The following SLC12A2 variants were observed in gnomAD, a reference collection of about 807,000 sequenced individuals.
SLC12A2 encodes the protein solute carrier family 12 member 2.
SLC12A2 carries 67 observed loss-of-function variants against 136.3 expected under a neutral mutation model. The observed-to-expected ratio is 0.49, with a 90% CI of 0.40 to 0.60. The LOEUF (loss-of-function observed/expected upper bound fraction) is 0.60, where lower values mean the gene tolerates loss of function less well. Among genes scored for constraint, SLC12A2 ranks in the 20% least tolerant of loss-of-function variants. The probability of loss-of-function intolerance (pLI) is 0.00; values close to 1 mark genes in which losing one functional copy is unlikely to be tolerated. For synonymous variants in SLC12A2, 619 were observed against 562.9 expected, an observed-to-expected ratio of 1.10 and a Z score of -1.41; for missense variants, 1,322 against 1,534.7, an observed-to-expected ratio of 0.86 and a Z score of 2.32.
intron 26 of SLC12A2, among the ~76,000 whole-genome samples, 176 bp from the exon 27 acceptor site, chr5:128,186,320 A>G (rs779478096): frequency 2.0e-5 from 3 of 152,212 alleles, no homozygotes; most frequent in East Asian, 1.9e-4. Context: ...TCGCTAAGCA[A>G]CACAACTGTG....
intron 1 of SLC12A2, among the ~76,000 whole-genome samples, chr5:128,097,185 TTTA>T (rs773704948): frequency 6.8e-5 from 9 of 131,978 alleles, no homozygotes; most frequent in Non-Finnish European, 1.1e-4. Flanking sequence ...ATTTCAAATG[TTTA>T]TTGTTTCATG....
intron 4 of SLC12A2, among the ~76,000 whole-genome samples, chr5:128,125,779 C>T (rs2409109): frequency 0.35 from 52,519 of 151,864 alleles, 11,678 homozygotes; most frequent in African/African-American, 0.63. Flanking sequence ...TTTATAGTTT[C>T]AGTTTTTAGA....
intron 1 of SLC12A2, among the ~76,000 whole-genome samples, chr5:128,111,824 G>GTT (rs1167537649): frequency 6.6e-6 from 1 of 151,162 alleles, no homozygotes; most frequent in African/African-American, 2.4e-5. Flanking sequence ...GTGTGTGTGT[G>GTT]TGTATATATA....
intron 17 of SLC12A2, among the ~76,000 whole-genome samples, chr5:128,165,422 G>A (rs1763171309): frequency 1.3e-5 from 2 of 152,088 alleles, no homozygotes; most frequent in Admixed American, 1.3e-4. Flanking sequence ...TAACACAGTG[G>A]GAATGTTTGA....
chr5:128,120,215 G>A (rs912586335), intron 4 of SLC12A2, among the ~76,000 whole-genome samples: 7 of 151,730 alleles, frequency 4.6e-5, no homozygotes, highest in Admixed American at 4.6e-4. Flanking sequence ...AACAACAGGT[G>A]CTGGAGAGGA....
intron 1 of SLC12A2, among the ~76,000 whole-genome samples, chr5:128,090,284 A>C (rs945966185): frequency 2.0e-5 from 3 of 152,226 alleles, no homozygotes; most frequent in African/African-American, 7.2e-5. Context: ...GTACACTGCT[A>C]AATTGATATC....
At chr5:128,089,192 A>G (rs907365798) in intron 1 of SLC12A2, among the ~76,000 whole-genome samples, 7 of 151,454 alleles carry the variant, frequency 4.6e-5, no homozygotes, top group African/African-American at 1.7e-4. Flanking sequence ...AAAAAGAAAG[A>G]AACACAAGAA....
rs553650779 is a variant in SLC12A2 at position 128,110,229 on chromosome 5, A to G, written c.757-2585A>G. ...TTTGCTTTGGAAAAAAAGAAATCCAATTCAAACATCCATCCGACCTTTTCC... is the reference window on the plus strand; with the variant it reads ...TTTGCTTTGGAAAAAAAGAAATCCAGTTCAAACATCCATCCGACCTTTTCC... On this transcript the variant is annotated intron_variant, in intron 1 of 26. Transcript: ENST00000262461. The G allele has an allele frequency of 2.1e-5, 17 of 806,602 alleles. No individual in the cohort carries two copies. The East Asian group carries it at 4.1e-4, about 20-fold the overall frequency. 50.0% of individuals were successfully genotyped at this position (806,602 alleles called of 1,614,324 possible).
Position 128,150,109 on chromosome 5 carries a change from A to C in SLC12A2, c.2107+11A>C, listed in dbSNP as rs189093520. On this transcript the variant is annotated intron_variant, in intron 13 of 26. Transcript: ENST00000262461. The stretch of plus-strand genomic sequence containing the variant: ...TTGCAAAATCTCCAGGTAATTTTAC[A>C]TTTTTAAAAAAGTTTGTAAATATCA... 1.5e-5 allele frequency: 23 copies of C among 1,518,196 alleles called. No homozygotes were observed. In the African/African-American group the frequency reaches 2.9e-4, roughly 19 times the overall value. The allele number at this position is 1,518,196 out of a possible 1,614,324, so 94.0% of individuals were successfully genotyped here.
At chr5:128,109,392 G>A (rs1214404487) in intron 1 of SLC12A2, 2 of 323,548 alleles carry the variant, frequency 6.2e-6, no homozygotes, top group African/African-American at 4.3e-5. Context: ...CGCTGTGATT[G>A]GCCGGTGTGC....
At chr5:128,165,131 C>T (rs1242536710) in intron 17 of SLC12A2, among the ~76,000 whole-genome samples, 2 of 152,126 alleles carry the variant, frequency 1.3e-5, no homozygotes, top group Non-Finnish European at 2.9e-5. Context: ...CATGAGCATC[C>T]ATGCCCAGCC....
At chr5:128,097,622 G>A (rs1760592356) in intron 1 of SLC12A2, among the ~76,000 whole-genome samples, 1 of 151,550 alleles carries the variant, frequency 6.6e-6, no homozygotes, top group African/African-American at 2.4e-5. Context: ...TTATTTTTTA[G>A]TGGTTACTTT....
intron 1 of SLC12A2, among the ~76,000 whole-genome samples, chr5:128,112,024 A>G (rs1443040512): frequency 2.0e-5 from 3 of 152,144 alleles, no homozygotes; most frequent in Non-Finnish European, 2.9e-5. Flanking sequence ...CAGAACATCT[A>G]TTTCCTAAAC....
At chr5:128,139,675 C>T (rs1289762664) in intron 9 of SLC12A2, among the ~76,000 whole-genome samples, 1 of 152,090 alleles carries the variant, frequency 6.6e-6, no homozygotes, top group Admixed American at 6.5e-5. Flanking sequence ...CTATGAATTA[C>T]TATTAGTTTA....
chr5:128,143,578 A>G (rs908178022), intron 10 of SLC12A2, among the ~76,000 whole-genome samples: 1 of 152,128 alleles, frequency 6.6e-6, no homozygotes, highest in African/African-American at 2.4e-5. Context: ...AAGATTATAT[A>G]AGGGGAAAAT....
chr5:128,102,550 A>G (rs562838831), intron 1 of SLC12A2, among the ~76,000 whole-genome samples: 2 of 134,562 alleles, frequency 1.5e-5, no homozygotes, highest in Middle Eastern at 4.6e-3. Flanking sequence ...TTAGTTTGTA[A>G]CACTCATTTA....
chr5:128,091,002 C>A (rs1199381590), intron 1 of SLC12A2, among the ~76,000 whole-genome samples: 1 of 151,942 alleles, frequency 6.6e-6, no homozygotes, highest in Admixed American at 6.5e-5. Context: ...TTTCAAAATA[C>A]CACGCTGATT....
intron 5 of SLC12A2, among the ~76,000 whole-genome samples, chr5:128,131,587 C>G (rs1762025225): frequency 6.6e-6 from 1 of 151,414 alleles, no homozygotes; most frequent in Non-Finnish European, 1.5e-5. Flanking sequence ...ACCTGTAGTC[C>G]CAGCTACTGG....
In SLC12A2 at chr5:128,139,272, A is replaced by T. The variant is rs868300607; in HGVS notation, c.1621+364A>T. Among the ~76,000 whole-genome samples, 144 of 141,708 alleles carry T rather than the reference A, an allele frequency of 1.0e-3. 1 individual carries two copies. Among genetic ancestry groups the T allele is most frequent in the African/African-American group, 3.6e-3 (129 of 36,032 alleles). The allele number at this position is 141,708 out of a possible 152,430, so 93.0% of individuals were successfully genotyped here. A position where few individuals can be genotyped will look rare whatever the true frequency, so the allele number is the denominator to read the frequency against. On this transcript the variant is annotated intron_variant, in intron 9 of 26. Transcript: ENST00000262461. ...CTGTATTTTTTTAAGATGGTTATTT[A>T]TTTTTTTTTTTTACAGTATATGAAG...
Sources: gnomAD v4.1 joint callset for allele counts (sites outside exome capture counted in the v4.1 genomes callset) on GRCh38, gnomAD v4.1.1 for gene constraint, MANE v1.5 for transcripts, NCBI Gene and HGNC (gene_info 2026-07-23, HGNC 2026-07-21) for gene names.